The following MYPN variants were observed in gnomAD, a reference collection of about 807,000 sequenced individuals.
MYPN encodes the protein sarcomeric protein myopalladin, 145 kDa (MYOP).
MYPN carries 63 observed loss-of-function variants against 129.4 expected under a neutral mutation model. That is an observed-to-expected ratio of 0.49 (90% CI 0.40 to 0.60). The LOEUF (loss-of-function observed/expected upper bound fraction) is 0.60. Among genes scored for constraint, MYPN ranks in the 20% least tolerant of loss-of-function variants. The pLI is 0.00. For synonymous variants in MYPN, 629 were observed against 600.9 expected (o/e 1.05, Z -0.68); for missense variants, 1,596 against 1,635.4 (o/e 0.98, Z 0.42).
intron 1 of MYPN, among the ~76,000 whole-genome samples, chr10:68,120,997 G>T (rs1380100013): frequency 1.3e-5 from 2 of 152,128 alleles, no homozygotes; most frequent in Non-Finnish European, 2.9e-5. Flanking sequence ...TTGTAAAAGG[G>T]GGAGGGCACA....
intron 10 of MYPN, among the ~76,000 whole-genome samples, chr10:68,167,235 G>T (rs2043069293): frequency 6.6e-6 from 1 of 152,132 alleles, no homozygotes; most frequent in Non-Finnish European, 1.5e-5. Flanking sequence ...AGAGTCCCCA[G>T]GTAAAGTACT....
rs71535735 is a variant in MYPN at position 68,109,608 on chromosome 10, G to A, written c.-117G>A. 6.8e-4 allele frequency: 308 copies of A among 453,916 alleles called. No individual in the cohort carries two copies. The highest frequency in any genetic ancestry group is 1.2e-3 in the Non-Finnish European group (274 of 226,806). 28.1% of individuals were successfully genotyped at this position (453,916 alleles called of 1,614,324 possible). ...ACGGCTACTCTCTATTTCCAAGGGC[G>A]TGAAGAATTTCCCTCTTCTCCTGTG... is the stretch of plus-strand genomic sequence containing the variant. On this transcript the variant is annotated 5_prime_UTR_variant, in exon 1 of 20. In the 5' UTR this introduces an upstream ATG that the reference lacks. Coordinates refer to ENST00000358913, the MANE Select transcript of MYPN (RefSeq NM_032578.4).
rs980286502 is a variant in MYPN, at chr10:68,153,089, G to A, written c.1317+2978G>A. On this transcript the variant is annotated intron_variant, in intron 6 of 19. Coordinates refer to ENST00000358913, the MANE Select transcript of MYPN (RefSeq NM_032578.4). The stretch of plus-strand genomic sequence containing the variant: ...CAACCTTTGCCTCCTGGGTTCAAGC[G>A]ATTCTCATGTCTCAGCCTCCCAAAT... Among the ~76,000 whole-genome samples, 260 of 151,350 alleles carry A rather than the reference G, an allele frequency of 1.7e-3. 7 individuals are homozygous for A. Among genetic ancestry groups the A allele is most frequent in the Non-Finnish European group, 4.7e-4 (32 of 67,986 alleles).
intron 1 of MYPN, among the ~76,000 whole-genome samples, chr10:68,118,934 A>G (rs1450415165): frequency 2.9e-5 from 4 of 140,110 alleles, no homozygotes; most frequent in Non-Finnish European, 6.1e-5. Context: ...AGGAAATTTA[A>G]AAAACCACAA....
At chr10:68,210,143 G>C (rs1180386093) in intron 19 of MYPN, 143 bp from the exon 20 acceptor site, 1 of 841,190 alleles carries the variant, frequency 1.2e-6, no homozygotes, top group Non-Finnish European at 1.9e-6. Context: ...TTCTACAAAC[G>C]AGGCAATTCA....
At chr10:68,201,174 A>G (rs1273649863) in intron 17 of MYPN, among the ~76,000 whole-genome samples, 1 of 152,206 alleles carries the variant, frequency 6.6e-6, no homozygotes, top group African/African-American at 2.4e-5. Flanking sequence ...GGTTCTCAAA[A>G]TCTACTGTTG....
At chr10:68,092,658 T>A (rs1373669359) in intron 1 of MYPN, among the ~76,000 whole-genome samples, 1 of 152,130 alleles carries the variant, frequency 6.6e-6, no homozygotes, top group Non-Finnish European at 1.5e-5. Flanking sequence ...ATTTTCAGAG[T>A]GTAGGAGTGC....
At chr10:68,157,717 C>T (rs1179619239) in intron 6 of MYPN, among the ~76,000 whole-genome samples, 1 of 150,060 alleles carries the variant, frequency 6.7e-6, no homozygotes, top group East Asian at 2.0e-4. Context: ...TGACCTGTGC[C>T]TTTAGTCCCA....
chr10:68,171,891 T>C (rs1336573245), intron 10 of MYPN, among the ~76,000 whole-genome samples: 1 of 152,228 alleles, frequency 6.6e-6, no homozygotes, highest in Non-Finnish European at 1.5e-5. Context: ...GTGAACTGGC[T>C]CCAGCACACA....
intron 1 of MYPN, among the ~76,000 whole-genome samples, chr10:68,097,491 A>T (rs1390779301): frequency 6.6e-6 from 1 of 152,218 alleles, no homozygotes; most frequent in Non-Finnish European, 1.5e-5. Context: ...ATATATTTTT[A>T]TAATAGTAAT....
At chr10:68,094,169 A>G (rs1484180905) in intron 1 of MYPN, among the ~76,000 whole-genome samples, 1 of 151,800 alleles carries the variant, frequency 6.6e-6, no homozygotes, top group Non-Finnish European at 1.5e-5. Context: ...ATCTTGTGAA[A>G]CCAATCCTGC....
chr10:68,160,442 A>G (rs397833434), intron 7 of MYPN, among the ~76,000 whole-genome samples: 1 of 141,234 alleles, frequency 7.1e-6, no homozygotes, highest in Non-Finnish European at 1.5e-5. Context: ...AAAAAAAAAA[A>G]AAAAAAAAAA....
chr10:68,128,585 A>ATT (rs1279087146), intron 2 of MYPN, among the ~76,000 whole-genome samples: 1 of 152,226 alleles, frequency 6.6e-6, no homozygotes, highest in African/African-American at 2.4e-5. Flanking sequence ...AGCAAACAAG[A>ATT]CAGCCAAATT....
intron 10 of MYPN, among the ~76,000 whole-genome samples, chr10:68,170,506 C>A (rs1356853242): frequency 6.6e-6 from 1 of 152,112 alleles, no homozygotes; most frequent in Non-Finnish European, 1.5e-5. Context: ...ATTAGTTTAA[C>A]CTCACAACTT....
chr10:68,114,285 A>G (rs190809925), intron 1 of MYPN: 1 of 152,070 alleles, frequency 6.6e-6, no homozygotes, highest in African/African-American at 2.4e-5. Flanking sequence ...GAGTTGAAAA[A>G]CATGTCCAAA....
At chr10:68,100,614 G>A (rs2041977127) in intron 1 of MYPN, among the ~76,000 whole-genome samples, 3 of 152,122 alleles carry the variant, frequency 2.0e-5, no homozygotes, top group African/African-American at 4.8e-5. Context: ...GTTGGGCAAA[G>A]GTAGTCAGAA....
Position 68,174,375 on chromosome 10 carries a change from A to G in MYPN, c.2283A>G (p.Glu761=). The part of the protein sequence containing the change: ...PQTIQRTVSK[E]SLLVSHPSVQ... ...CTATTCAGAGGACAGTGAGCAAAGA[A>G]AGCCTCTTAGTGTCTCACCCCTCTG... The change falls in exon 11 of 20, where the codon GAA becomes GAG. Residue 761 remains glutamate, a synonymous_variant. Coordinates refer to ENST00000358913, the MANE Select transcript of MYPN (RefSeq NM_032578.4). 1 of 1,614,186 alleles carries G rather than the reference A, an allele frequency of 6.2e-7. No homozygotes were observed. The highest frequency in any genetic ancestry group is 8.5e-7 in the Non-Finnish European group (1 of 1,180,044).
At chr10:68,118,643 G>C (rs1267916655) in intron 1 of MYPN, among the ~76,000 whole-genome samples, 2 of 152,100 alleles carry the variant, frequency 1.3e-5, no homozygotes, top group Non-Finnish European at 2.9e-5. Context: ...AGACCAGCCT[G>C]GGCAACATAG....
intron 7 of MYPN, among the ~76,000 whole-genome samples, chr10:68,160,130 G>A (rs781562042): frequency 7.2e-5 from 11 of 152,098 alleles, no homozygotes; most frequent in Non-Finnish European, 1.5e-4. Flanking sequence ...GAGAGATGCC[G>A]GGCACAGTGG....
Sources: gnomAD v4.1 joint callset for allele counts (sites outside exome capture counted in the v4.1 genomes callset) on GRCh38, gnomAD v4.1.1 for gene constraint, MANE v1.5 for transcripts, NCBI Gene and HGNC (gene_info 2026-07-23, HGNC 2026-07-21) for gene names.